Variants in CACNA2D4 observed in about 807,000 individuals in gnomAD.
CACNA2D4 encodes the protein voltage-dependent calcium channel subunit alpha-2/delta-4.
In CACNA2D4, 157 loss-of-function variants were observed where a neutral mutation model predicts 163.8. That is an observed-to-expected ratio of 0.96 (90% CI 0.84 to 1.09). The LOEUF (loss-of-function observed/expected upper bound fraction) is 1.09. Among genes scored for constraint, CACNA2D4 ranks in the 50% least tolerant of loss-of-function variants. The probability of loss-of-function intolerance (pLI) is 0.00; values close to 1 mark genes in which losing one functional copy is unlikely to be tolerated. For synonymous variants in CACNA2D4, 598 were observed against 586.9 expected, an observed-to-expected ratio of 1.02 and a Z score of -0.27; for missense variants, 1,410 against 1,479.9, an observed-to-expected ratio of 0.95 and a Z score of 0.78.
chr12:1,821,622 G>T (rs1384326363), intron 26 of CACNA2D4, among the ~76,000 whole-genome samples: 1 of 152,168 alleles, frequency 6.6e-6, no homozygotes, highest in Non-Finnish European at 1.5e-5. Flanking sequence ...AGCTTGGGTG[G>T]GGGGTACACA....
Position 1,801,590 on chromosome 12 carries a change from T to C in CACNA2D4, c.2776A>G (p.Met926Val), listed in dbSNP as rs1447240844. 3 of 1,590,526 alleles carry C rather than the reference T, an allele frequency of 1.9e-6. No homozygotes were observed. Among genetic ancestry groups the C allele is most frequent in the South Asian group, 2.3e-5 (2 of 87,190 alleles). ...CCCACTTACTGGCTGAACACCCCCA[T>C]GCTGAGCAGCTGGGTCAGGACAGCA... ...DGAVLTQLLS[M>V]GVFSQVTMYD... Residue 926 changes from methionine (M) to valine (V), a missense_variant, in exon 30 of 38, where the codon ATG (methionine) becomes GTG (valine). Transcript: ENST00000382722.
intron 31 of CACNA2D4, 89 bp downstream of exon 31, chr12:1,800,954 G>A: frequency 8.1e-7 from 1 of 1,237,778 alleles, no homozygotes; most frequent in Admixed American, 1.7e-5. Flanking sequence ...ACCCAAGGTG[G>A]GTGAGAACAG....
intron 19 of CACNA2D4, 40 bp from the exon 20 acceptor site, chr12:1,858,684 A>G: frequency 6.6e-7 from 1 of 1,524,312 alleles, no homozygotes; most frequent in Non-Finnish European, 8.9e-7. Context: ...CAGCAGCAGC[A>G]GATGCCGGCC....
In CACNA2D4 at chr12:1,798,497, A is replaced by C. The variant is rs1863203582; in HGVS notation, c.2996-962T>G. Among the ~76,000 whole-genome samples the C allele has an allele frequency of 6.6e-6, 1 of 151,876 alleles. No individual in the cohort carries two copies. Among genetic ancestry groups the C allele is most frequent in the Non-Finnish European group, 1.5e-5 (1 of 67,934 alleles). ...CGTGCAGAAAACTCTCACCGAGAGG[A>C]GCAAGCCCACAGCGGCCAGGGCTGT... On this transcript the variant is annotated intron_variant, in intron 34 of 37. Coordinates refer to ENST00000382722, the MANE Select transcript of CACNA2D4 (RefSeq NM_172364.5). The surrounding 1 kb of genome is among the most constrained non-coding windows in gnomAD (Gnocchi z 4.3).
rs1047673199 is a variant in CACNA2D4, at chr12:1,915,199, C to T, written c.228-264G>A. ...GAAACACACAAAAGAGCACCTGTCCCTCCTCCTTGTCCCTAAAGCTACAGC... is the reference window on the plus strand; with the variant it reads ...GAAACACACAAAAGAGCACCTGTCCTTCCTCCTTGTCCCTAAAGCTACAGC... On this transcript the variant is annotated intron_variant, in intron 1 of 37. Transcript: ENST00000382722. The T allele has an allele frequency of 4.3e-6, 3 of 702,570 alleles. No homozygotes were observed. The South Asian group carries it at 4.4e-5, about 10-fold the overall frequency. The allele number at this position is 702,570 out of a possible 1,614,324, so 43.5% of individuals were successfully genotyped here. A position where few individuals can be genotyped will look rare whatever the true frequency, so the allele number is the denominator to read the frequency against.
chr12:1,834,691 G>A lies in CACNA2D4; in HGVS notation c.2551+6048C>T. 6.2e-7 allele frequency: 1 copy of A among 1,601,812 alleles called. No homozygotes were observed. The highest frequency in any genetic ancestry group is 8.5e-7 in the Non-Finnish European group (1 of 1,179,102). On this transcript the variant is annotated intron_variant, in intron 26 of 37. Transcript: ENST00000382722. The surrounding 1 kb of genome is among the most constrained non-coding windows in gnomAD (Gnocchi z 7.6). ...TGGGGGACCCCGAGGGCGAGCACGAGGACCAGAAGCAGATCTCTTCTGTGG... is the reference window on the plus strand; with the variant it reads ...TGGGGGACCCCGAGGGCGAGCACGAAGACCAGAAGCAGATCTCTTCTGTGG...
chr12:1,799,762 A>C lies in CACNA2D4; in HGVS notation c.2975-67T>G. The stretch of plus-strand genomic sequence containing the variant: ...GGAAAACATGGTGGCACATGAGGGC[A>C]GGATGTCATGGGGTGGTGATGATGG... On this transcript the variant is annotated intron_variant, in intron 33 of 37. Coordinates refer to ENST00000382722, the MANE Select transcript of CACNA2D4 (RefSeq NM_172364.5). This position sits in a 1 kb window ranked among gnomAD's most constrained non-coding sequence, Gnocchi z 4.7. The C allele has an allele frequency of 1.9e-6, 3 of 1,541,874 alleles. No homozygotes were observed. The highest frequency in any genetic ancestry group is 2.6e-6 in the Non-Finnish European group (3 of 1,137,290).
intron 25 of CACNA2D4, among the ~76,000 whole-genome samples, chr12:1,842,204 TGGAGTGCAGAAGGGGGCGGGGCCCAG>T (rs1345524642): frequency 6.6e-6 from 1 of 152,048 alleles, no homozygotes; most frequent in Non-Finnish European, 1.5e-5. Context: ...GATCAGGGCG[TGGAGTGCAGAAGGGGGCGGGGCCCAG>T]GGAGAGGTGG....
rs1863028910 is a variant in CACNA2D4, at chr12:1,793,368, T to C, written c.*287A>G. On this transcript the variant is annotated 3_prime_UTR_variant, in exon 38 of 38. Coordinates refer to ENST00000382722, the MANE Select transcript of CACNA2D4 (RefSeq NM_172364.5). The stretch of plus-strand genomic sequence containing the variant: ...GTCTTGGTCCAAGCTGAGCTCACGC[T>C]GGCTTCCCGAAGAGGAGACAGGAAG... 5 of 509,710 alleles carry C rather than the reference T, an allele frequency of 9.8e-6. No homozygotes were observed. Among genetic ancestry groups the C allele is most frequent in the South Asian group, 7.5e-5 (3 of 39,868 alleles). The allele number at this position is 509,710 out of a possible 1,614,324, so 31.6% of individuals were successfully genotyped here.
At chr12:1,858,132 G>A (rs1865440281) in intron 20 of CACNA2D4, among the ~76,000 whole-genome samples, 1 of 152,216 alleles carries the variant, frequency 6.6e-6, no homozygotes, top group African/African-American at 2.4e-5. Context: ...GAGAATACAT[G>A]TCTGCGGTTT....
At chr12:1,851,789 G>A (rs1865289930) in intron 23 of CACNA2D4, among the ~76,000 whole-genome samples, 1 of 151,156 alleles carries the variant, frequency 6.6e-6, no homozygotes, top group Non-Finnish European at 1.5e-5. Context: ...TGTTTTCATT[G>A]GGGTTAACAT....
intron 6 of CACNA2D4, among the ~76,000 whole-genome samples, chr12:1,896,240 C>T (rs892459413): frequency 7.9e-5 from 12 of 152,048 alleles, no homozygotes; most frequent in African/African-American, 2.9e-4. Flanking sequence ...ACAAATGGGA[C>T]TCTATTAAGC....
rs916445893 is a variant in CACNA2D4 at position 1,883,513 on chromosome 12, G to T, written c.1352-513C>A. On this transcript the variant is annotated intron_variant, in intron 12 of 37. Transcript: ENST00000382722. The surrounding 1 kb of genome is among the most constrained non-coding windows in gnomAD (Gnocchi z 4.5). ...TGGAACCATGGTGACACTCCAAAGC[G>T]CAGATGGCGCAGAAGGCTGTGAATG... Among the ~76,000 whole-genome samples, 1 of 152,124 alleles carries T rather than the reference G, an allele frequency of 6.6e-6. No individual in the cohort carries two copies. The highest frequency in any genetic ancestry group is 1.5e-5 in the Non-Finnish European group (1 of 68,026).
intron 6 of CACNA2D4, among the ~76,000 whole-genome samples, chr12:1,899,071 G>A (rs1866477963): frequency 6.6e-6 from 1 of 151,964 alleles, no homozygotes; most frequent in Non-Finnish European, 1.5e-5. Context: ...ACTTAAAATG[G>A]TTAAGATAGT....
intron 6 of CACNA2D4, 92 bp downstream of exon 6, chr12:1,907,348 G>T: frequency 8.0e-7 from 1 of 1,251,486 alleles, no homozygotes; most frequent in Admixed American, 2.0e-5. Flanking sequence ...CCATTCACTG[G>T]GGACCTGAGT....
chr12:1,803,116 G>T (rs1863395426), intron 29 of CACNA2D4, among the ~76,000 whole-genome samples: 1 of 152,248 alleles, frequency 6.6e-6, no homozygotes, highest in Non-Finnish European at 1.5e-5. Context: ...TGCAAGGCTG[G>T]TACAGGAGCT....
intron 26 of CACNA2D4, chr12:1,831,533 C>G (rs1375236634): frequency 6.2e-7 from 1 of 1,607,052 alleles, no homozygotes; most frequent in Non-Finnish European, 8.5e-7. Context: ...GAGGTGAGCG[C>G]AGCCGGCCCT....
At chr12:1,915,149 C>T (rs748464780) in intron 1 of CACNA2D4, 82 of 703,190 alleles carry the variant, frequency 1.2e-4, no homozygotes, top group African/African-American at 1.0e-3. Context: ...CATGCATATG[C>T]ATACACACAC....
At chr12:1,800,932 C>A in intron 31 of CACNA2D4, 111 bp downstream of exon 31, 1 of 980,466 alleles carries the variant, frequency 1.0e-6, no homozygotes. Flanking sequence ...AGGTAGGGCC[C>A]TGGGGCCAGA....
Sources: gnomAD v4.1 joint callset for allele counts (sites outside exome capture counted in the v4.1 genomes callset) on GRCh38, gnomAD v4.1.1 for gene constraint, Gnocchi (gnomAD v3.1) non-coding constraint, MANE v1.5 for transcripts, NCBI Gene and HGNC (gene_info 2026-07-23, HGNC 2026-07-21) for gene names.